The following NVL variants were observed in gnomAD, a reference collection of about 807,000 sequenced individuals.
NVL encodes nuclear valosin-containing protein-like.
Under a neutral mutation model 110.2 loss-of-function variants are expected in NVL, and 84 were observed. That is an observed-to-expected ratio of 0.76 (90% CI 0.64 to 0.91). The LOEUF (loss-of-function observed/expected upper bound fraction) is 0.91, where lower values mean the gene tolerates loss of function less well. Among genes scored for constraint, NVL ranks in the 40% least tolerant of loss-of-function variants. The pLI is 0.00. For synonymous variants in NVL, 354 were observed against 361.1 expected (o/e 0.98, Z 0.22); for missense variants, 882 against 1,035.9 (o/e 0.85, Z 2.04).
chr1:224,290,134 G>A (rs1302900562), intron 12 of NVL, among the ~76,000 whole-genome samples: 1 of 152,132 alleles, frequency 6.6e-6, no homozygotes, highest in Non-Finnish European at 1.5e-5. Flanking sequence ...CTTCATCATT[G>A]AAAATTATCT....
chr1:224,261,677 C>T (rs979845274), intron 18 of NVL, among the ~76,000 whole-genome samples: 1 of 152,160 alleles, frequency 6.6e-6, no homozygotes, highest in African/African-American at 2.4e-5. Context: ...TAGGGCTATG[C>T]ACGGTGGTTC....
chr1:224,286,257 G>T, intron 14 of NVL, 127 bp from the exon 15 acceptor site: 3 of 667,410 alleles, frequency 4.5e-6, no homozygotes, highest in Non-Finnish European at 5.1e-6. Flanking sequence ...CCCAGCTAGA[G>T]TGCAGTGGTG....
intron 6 of NVL, among the ~76,000 whole-genome samples, chr1:224,306,018 T>G (rs1668881974): frequency 6.6e-6 from 1 of 152,172 alleles, no homozygotes; most frequent in Admixed American, 6.5e-5. Flanking sequence ...TCACTGAGTC[T>G]TCTATATAGT....
At chr1:224,284,557 T>C (rs963283033) in intron 15 of NVL, among the ~76,000 whole-genome samples, 1 of 152,030 alleles carries the variant, frequency 6.6e-6, no homozygotes, top group African/African-American at 2.4e-5. Context: ...TGTAATTTAC[T>C]TTAGTAGAGA....
chr1:224,289,344 G>A (rs1365854719), intron 13 of NVL, 140 bp downstream of exon 13: 4 of 693,046 alleles, frequency 5.8e-6, no homozygotes, highest in Non-Finnish European at 9.0e-6. Context: ...AACATCGTGG[G>A]TATAAATGAT....
chr1:224,301,957 T>C (rs958787841), intron 9 of NVL, among the ~76,000 whole-genome samples: 1 of 152,192 alleles, frequency 6.6e-6, no homozygotes, highest in Non-Finnish European at 1.5e-5. Context: ...TCTTCTTGTC[T>C]TCCATTTATT....
At chr1:224,292,628 G>A (rs2102646075) in intron 12 of NVL, among the ~76,000 whole-genome samples, 1 of 152,168 alleles carries the variant, frequency 6.6e-6, no homozygotes, top group Non-Finnish European at 1.5e-5. Flanking sequence ...GCCCCTATCT[G>A]AGATCACAAT....
At chr1:224,299,305 T>C (rs940593942) in intron 10 of NVL, among the ~76,000 whole-genome samples, 7 of 151,874 alleles carry the variant, frequency 4.6e-5, no homozygotes, top group African/African-American at 1.7e-4. Context: ...ACCTGGAAAG[T>C]TGAATGGGGG....
intron 9 of NVL, chr1:224,302,996 C>T: frequency 3.9e-6 from 1 of 254,528 alleles, no homozygotes. Flanking sequence ...CTGTAGTGAG[C>T]CATGATTGCA....
Position 224,317,739 on chromosome 1 carries a change from T to C in NVL, c.239A>G (p.Asp80Gly). The stretch of plus-strand genomic sequence containing the variant: ...TCTTGCCCTTTTTGCCAAATGTTCA[T>C]CTTCTAATTCTGTTAAATTCTTAAG... ...KELKNLTELE[D>G]EHLAKRARQG... is the part of the protein sequence containing the mutation. The change falls in exon 4 of 23, where the codon GAT becomes GGT. Residue 80 changes from aspartate to glycine, a missense_variant. Coordinates refer to ENST00000281701, the MANE Select transcript of NVL (RefSeq NM_002533.4). 1 of 1,610,368 alleles carries C rather than the reference T, an allele frequency of 6.2e-7. No individual in the cohort carries two copies. The highest frequency in any genetic ancestry group is 8.5e-7 in the Non-Finnish European group (1 of 1,176,912).
chr1:224,292,242 T>C (rs1292950552), intron 12 of NVL, among the ~76,000 whole-genome samples: 2 of 152,136 alleles, frequency 1.3e-5, no homozygotes, highest in Non-Finnish European at 2.9e-5. Flanking sequence ...TTTCTCTATA[T>C]AAAAAATAGT....
chr1:224,257,589 T>C (rs1663433641), intron 18 of NVL, among the ~76,000 whole-genome samples: 1 of 152,094 alleles, frequency 6.6e-6, no homozygotes, highest in Non-Finnish European at 1.5e-5. Context: ...AGTGCAGTGG[T>C]GTATCATAGC....
chr1:224,229,153 G>A (rs975049955), intron 22 of NVL, among the ~76,000 whole-genome samples: 7 of 151,296 alleles, frequency 4.6e-5, no homozygotes, highest in Non-Finnish European at 8.8e-5. Context: ...AAAATTAGCC[G>A]GGTGTGGTGG....
intron 19 of NVL, among the ~76,000 whole-genome samples, chr1:224,241,976 G>A (rs2102728398): frequency 6.6e-6 from 1 of 151,936 alleles, no homozygotes; most frequent in Admixed American, 6.6e-5. Context: ...AGGTTGCAGT[G>A]AGCCAAGACC....
Position 224,253,731 on chromosome 1 carries a change from C to CAAAAAA in NVL, c.2183-3419_2183-3414dup, listed in dbSNP as rs770232348. On this transcript the variant is annotated intron_variant, in intron 18 of 22. Coordinates refer to ENST00000281701, the MANE Select transcript of NVL (RefSeq NM_002533.4). The stretch of plus-strand genomic sequence containing the variant: ...CTTGGGACAGAGCAAGGCTCGGTCT[C>CAAAAAA]AAAAAAAAAAAAAAAAAGAAAAGAA... 7.2e-5 allele frequency among the ~76,000 whole-genome samples: 4 copies of CAAAAAA among 55,786 alleles called. 1 individual carries two copies. Among genetic ancestry groups the CAAAAAA allele is most frequent in the African/African-American group, 6.6e-5 (1 of 15,216 alleles). The allele number at this position is 55,786 out of a possible 152,430, so 36.6% of individuals were successfully genotyped here. A position where few individuals can be genotyped will look rare whatever the true frequency, so the allele number is the denominator to read the frequency against.
rs567354181 is a variant in NVL, at chr1:224,290,585, G to A, written c.1326-852C>T. Among the ~76,000 whole-genome samples, 8 of 152,250 alleles carry A rather than the reference G, an allele frequency of 5.3e-5. No homozygotes were observed. The East Asian group carries it at 5.8e-4, about 11-fold the overall frequency. On this transcript the variant is annotated intron_variant, in intron 12 of 22. Coordinates refer to ENST00000281701, the MANE Select transcript of NVL (RefSeq NM_002533.4). ...TGGGAGGCCGAGGCAGGCAGATCAC[G>A]AGGTCAGGAGATCAAGACCATCCTG...
At chr1:224,315,453 CA>C (rs1465526162) in intron 4 of NVL, among the ~76,000 whole-genome samples, 1 of 152,072 alleles carries the variant, frequency 6.6e-6, no homozygotes, top group Non-Finnish European at 1.5e-5. Context: ...CTATTCATGA[CA>C]AAAATTCTCA....
At chr1:224,231,880 T>A (rs751830235) in intron 21 of NVL, among the ~76,000 whole-genome samples, 2 of 146,422 alleles carry the variant, frequency 1.4e-5, no homozygotes, top group Non-Finnish European at 3.0e-5. Flanking sequence ...CAAAAAAAAT[T>A]AAGTGGGTGT....
At chr1:224,272,939 CAGG>C (rs1430371085) in intron 17 of NVL, among the ~76,000 whole-genome samples, 1,521 of 145,770 alleles carry the variant, frequency 0.01, 29 homozygotes, top group African/African-American at 0.036. Context: ...GAGGCTGAGG[CAGG>C]AGAATGGCGT....
Sources: gnomAD v4.1 joint callset for allele counts (sites outside exome capture counted in the v4.1 genomes callset) on GRCh38, gnomAD v4.1.1 for gene constraint, MANE v1.5 for transcripts, NCBI Gene and HGNC (gene_info 2026-07-23, HGNC 2026-07-21) for gene names.